ECHDC2: variants seen among roughly 807,000 people sequenced by gnomAD.
The protein encoded by ECHDC2 is enoyl-CoA hydratase domain-containing protein 2, mitochondrial.
In ECHDC2, 34 loss-of-function variants were observed where a neutral mutation model predicts 40.6. The ratio of observed to expected loss-of-function variants is 0.84; its 90% CI spans 0.64 to 1.11. The LOEUF (loss-of-function observed/expected upper bound fraction) is 1.11. Among genes scored for constraint, ECHDC2 ranks in the 50% most tolerant of loss-of-function variants. ECHDC2 has a pLI of 0.00. For synonymous variants in ECHDC2, 162 were observed against 166.6 expected (o/e 0.97, Z 0.21); for missense variants, 392 against 400.7 (o/e 0.98, Z 0.19).
chr1:52,911,412 A>C (rs1571973774), intron 3 of ECHDC2, among the ~76,000 whole-genome samples, 154 bp downstream of exon 3: 1 of 152,178 alleles, frequency 6.6e-6, no homozygotes, highest in Non-Finnish European at 1.5e-5. Context: ...ATGTGATCCT[A>C]GGCAAGGGAA....
chr1:52,906,706 C>T, intron 4 of ECHDC2, 95 bp from the exon 5 acceptor site: 2 of 820,342 alleles, frequency 2.4e-6, no homozygotes, highest in Non-Finnish European at 3.8e-6. Flanking sequence ...GGGACAGAGG[C>T]CTCAGTGGAC....
chr1:52,896,889 G>T (rs1407273743), intron 9 of ECHDC2: 3 of 372,244 alleles, frequency 8.1e-6, no homozygotes, highest in Non-Finnish European at 1.5e-5. Context: ...ACATGAGGCT[G>T]CTCAGTAGAG....
At chr1:52,915,989 G>A (rs1650586644) in intron 1 of ECHDC2, among the ~76,000 whole-genome samples, 2 of 152,282 alleles carry the variant, frequency 1.3e-5, no homozygotes, top group African/African-American at 4.8e-5. Flanking sequence ...CAGGACTTCA[G>A]TCCAACAACC....
Position 52,911,741 on chromosome 1 carries a change from C to T in ECHDC2, c.171G>A (p.Gly57=), listed in dbSNP as rs763014786. The T allele has an allele frequency of 2.5e-6, 4 of 1,606,478 alleles. No homozygotes were observed. Among genetic ancestry groups the T allele is most frequent in the South Asian group, 1.1e-5 (1 of 90,970 alleles). The change falls in exon 2 of 10, where the codon GGG becomes GGA. Residue 57 remains glycine (G), a synonymous_variant. Transcript: ENST00000371522. ...MNRPSARNAL[G]NVFVSELLET... ...TTCTTACCTCACTGACGAAGACATT[C>T]CCCAAGGCATTGCGGGCAGAAGGTC...
intron 1 of ECHDC2, chr1:52,915,379 T>TCAAG: frequency 2.2e-6 from 1 of 455,918 alleles, no homozygotes; most frequent in East Asian, 6.9e-5. Flanking sequence ...TTCTGGGCTC[T>TCAAG]CAAGGGACAG....
chr1:52,915,227 A>G, intron 1 of ECHDC2: 1 of 455,932 alleles, frequency 2.2e-6, no homozygotes, highest in South Asian at 1.5e-5. Context: ...TGCCCAGAGG[A>G]GTGTTTCCCA....
intron 1 of ECHDC2, chr1:52,920,626 A>G (rs938795623): frequency 9.3e-6 from 9 of 963,958 alleles, no homozygotes; most frequent in Non-Finnish European, 1.5e-5. Context: ...GGAGATGGTG[A>G]CCCTTTATTT....
At chr1:52,912,500 G>A (rs574747563) in intron 1 of ECHDC2, among the ~76,000 whole-genome samples, 68 of 150,508 alleles carry the variant, frequency 4.5e-4, no homozygotes, top group African/African-American at 1.2e-3. Context: ...GAGCCACCGC[G>A]GCCTTAATCT....
intron 1 of ECHDC2, chr1:52,920,417 G>A: frequency 1.1e-6 from 1 of 896,580 alleles, no homozygotes; most frequent in Non-Finnish European, 1.8e-6. Context: ...GTCCGGCCAC[G>A]AAGGTGGCAA....
chr1:52,906,069 T>A, intron 5 of ECHDC2: 1 of 333,216 alleles, frequency 3.0e-6, no homozygotes, highest in Non-Finnish European at 5.9e-6. Flanking sequence ...CAAACAAAGC[T>A]CAATTGCTCA....
intron 3 of ECHDC2, among the ~76,000 whole-genome samples, chr1:52,908,981 T>C (rs1648707987): frequency 6.7e-6 from 1 of 148,274 alleles, no homozygotes; most frequent in Non-Finnish European, 1.5e-5. Context: ...TAGACATTTC[T>C]CCTGAGGAGA....
At chr1:52,913,896 T>C in intron 1 of ECHDC2, 1 of 1,133,532 alleles carries the variant, frequency 8.8e-7, no homozygotes, top group Non-Finnish European at 1.1e-6. Context: ...TCCTCCTACC[T>C]TTCAGGTGAT....
intron 7 of ECHDC2, chr1:52,900,574 G>T (rs1313734343): frequency 2.0e-5 from 3 of 152,144 alleles, no homozygotes; most frequent in Non-Finnish European, 4.4e-5. Flanking sequence ...GTAAGCATAT[G>T]TGCATAATAC....
At chr1:52,907,189 C>T (rs1253369968) in intron 4 of ECHDC2, 1 of 151,792 alleles carries the variant, frequency 6.6e-6, no homozygotes, top group African/African-American at 2.4e-5. Context: ...CCTCTGCTTC[C>T]CGCAGCCAGG....
intron 3 of ECHDC2, among the ~76,000 whole-genome samples, chr1:52,908,950 AAAAAG>A (rs1648677741): frequency 6.6e-6 from 1 of 150,506 alleles, no homozygotes; most frequent in Non-Finnish European, 1.5e-5. Context: ...AAAAAAAAAA[AAAAAG>A]GAAAAAGGAC....
intron 5 of ECHDC2, 142 bp from the exon 6 acceptor site, chr1:52,905,232 C>T: frequency 3.5e-6 from 3 of 862,286 alleles, no homozygotes; most frequent in South Asian, 3.2e-5. Flanking sequence ...CCTCTCCAGA[C>T]TCTGCCTTTG....
chr1:52,909,514 T>C lies in ECHDC2; in HGVS notation c.278-1560A>G, dbSNP rs571967840. Among the ~76,000 whole-genome samples the C allele has an allele frequency of 3.6e-5, 5 of 138,302 alleles. No individual in the cohort carries two copies. In the East Asian group the frequency reaches 6.0e-4, roughly 17 times the overall value. The allele number at this position is 138,302 out of a possible 152,430, so 90.7% of individuals were successfully genotyped here. A position where few individuals can be genotyped will look rare whatever the true frequency, so the allele number is the denominator to read the frequency against. On this transcript the variant is annotated intron_variant, in intron 3 of 9. Coordinates refer to ENST00000371522, the MANE Select transcript of ECHDC2 (RefSeq NM_001198961.2). ...AAAATACACTAACACCAACGGTAAC[T>C]GATGAGCTTAAAAAAAAAAAAAAAA...
intron 1 of ECHDC2, among the ~76,000 whole-genome samples, chr1:52,919,078 T>G (rs888176116): frequency 6.6e-6 from 1 of 152,192 alleles, no homozygotes; most frequent in African/African-American, 2.4e-5. Flanking sequence ...GAGCTCCTTA[T>G]GAGAATCTAA....
rs2150031093 is a variant in ECHDC2, at chr1:52,897,174, C to T, written c.801+263G>A. 1.8e-5 allele frequency: 10 copies of T among 542,358 alleles called. No homozygotes were observed. The South Asian group carries it at 2.4e-4, about 13-fold the overall frequency. The allele number at this position is 542,358 out of a possible 1,614,324, so 33.6% of individuals were successfully genotyped here. ...TACAGAGGCAAAAGATGTGGTTCTT[C>T]CTCTTAAGGACCTGTGTTCTGTGAT... is the stretch of plus-strand genomic sequence containing the variant. On this transcript the variant is annotated intron_variant, in intron 9 of 9. Coordinates refer to ENST00000371522, the MANE Select transcript of ECHDC2 (RefSeq NM_001198961.2).
Sources: allele counts gnomAD v4.1 joint callset (sites outside exome capture counted in the v4.1 genomes callset), GRCh38; gene constraint gnomAD v4.1.1; transcripts MANE v1.5; gene names NCBI Gene and HGNC (gene_info 2026-07-23, HGNC 2026-07-21).